Variants in RMST observed in about 807,000 individuals in gnomAD.
RMST encodes long intergenic non-protein coding RNA 54.
chr12:97,475,941 T>C (rs545347587), intron 5 of RMST, among the ~76,000 whole-genome samples: 4 of 152,224 alleles, frequency 2.6e-5, no homozygotes, highest in Non-Finnish European at 5.9e-5. Context: ...CGTTGCTGCA[T>C]CACATACTGA....
At chr12:97,562,192 G>C (rs956867228) in intron 13 of RMST, among the ~76,000 whole-genome samples, 3 of 152,138 alleles carry the variant, frequency 2.0e-5, no homozygotes, top group Admixed American at 6.5e-5. Flanking sequence ...AAAGGATGCA[G>C]GTCCAAACTT....
chr12:97,548,719 A>T (rs569534260), intron 11 of RMST, among the ~76,000 whole-genome samples: 2 of 152,184 alleles, frequency 1.3e-5, no homozygotes, highest in South Asian at 2.1e-4. Context: ...AGATTTACTG[A>T]ATTTGTTTAT....
intron 10 of RMST, among the ~76,000 whole-genome samples, chr12:97,510,093 T>A (rs1879120516): frequency 6.6e-6 from 1 of 152,236 alleles, no homozygotes; most frequent in African/African-American, 2.4e-5. Flanking sequence ...TCATTTATAC[T>A]CTGAGATTTA....
At chr12:97,506,660 A>ACAT (rs999316604) in intron 10 of RMST, among the ~76,000 whole-genome samples, 2 of 151,174 alleles carry the variant, frequency 1.3e-5, no homozygotes, top group African/African-American at 4.9e-5. Flanking sequence ...CGGATTGAAG[A>ACAT]CATTAGGGTA....
chr12:97,501,043 G>T (rs1013019831), intron 10 of RMST, among the ~76,000 whole-genome samples: 1 of 152,180 alleles, frequency 6.6e-6, no homozygotes, highest in African/African-American at 2.4e-5. Flanking sequence ...TGCCTATTTT[G>T]TGGTGGACCA....
exon 14 of RMST, chr12:97,564,345 C>T (rs1884374298): frequency 6.2e-6 from 1 of 160,588 alleles, no homozygotes; most frequent in African/African-American, 2.4e-5. Context: ...ATTGGATGGG[C>T]TAGATCAACT....
At chr12:97,498,709 G>T (rs1407374645) in intron 10 of RMST, among the ~76,000 whole-genome samples, 1 of 152,154 alleles carries the variant, frequency 6.6e-6, no homozygotes, top group African/African-American at 2.4e-5. Context: ...AGTACCTTCT[G>T]TCAGCATTAC....
intron 10 of RMST, among the ~76,000 whole-genome samples, chr12:97,513,441 C>G (rs990489055): frequency 1.3e-5 from 2 of 152,216 alleles, no homozygotes; most frequent in African/African-American, 4.8e-5. Flanking sequence ...ACACTCATTT[C>G]TAAATATTTA....
chr12:97,537,504 A>G (rs915712637), intron 11 of RMST, among the ~76,000 whole-genome samples: 1 of 151,366 alleles, frequency 6.6e-6, no homozygotes, highest in African/African-American at 2.4e-5. Context: ...TTGACATATT[A>G]TTGAAGAATC....
At chr12:97,464,570 T>C (rs1035421927) in intron 4 of RMST, among the ~76,000 whole-genome samples, 42 of 152,322 alleles carry the variant, frequency 2.8e-4, no homozygotes, top group African/African-American at 9.9e-4. Flanking sequence ...GACTTTTTCA[T>C]TGTGGCACCT....
intron 10 of RMST, among the ~76,000 whole-genome samples, chr12:97,502,921 G>A (rs1878249981): frequency 6.6e-6 from 1 of 152,122 alleles, no homozygotes. Context: ...ACTTCCTTGG[G>A]CTCTTTTGAT....
intron 10 of RMST, among the ~76,000 whole-genome samples, chr12:97,513,082 A>G (rs1879574272): frequency 6.6e-6 from 1 of 152,184 alleles, no homozygotes; most frequent in African/African-American, 2.4e-5. Flanking sequence ...CAGGCCCGCA[A>G]GCACCGCGCG....
chr12:97,507,084 G>A (rs1458346643), intron 10 of RMST, among the ~76,000 whole-genome samples: 1 of 152,080 alleles, frequency 6.6e-6, no homozygotes, highest in Non-Finnish European at 1.5e-5. Flanking sequence ...TGTATGTGAG[G>A]AAAAGGAGGT....
intron 10 of RMST, among the ~76,000 whole-genome samples, chr12:97,506,673 C>CTGT (rs1235096938): frequency 7.8e-6 from 1 of 127,624 alleles, no homozygotes; most frequent in Non-Finnish European, 1.6e-5. Flanking sequence ...TTAGGGTAAT[C>CTGT]TGTTTTTTTT....
rs537840796 is a variant in RMST at position 97,524,075 on chromosome 12, C to CAA, written n.1341-6553_1341-6552dup. ...TGGGCAACAGAGTGAGACTCTGTCT[C>CAA]AAAAAAAAAAAAAAAAAAAAAAAAA... On this transcript the variant is annotated intron_variant and non_coding_transcript_variant, in intron 10 of 13. Coordinates refer to ENST00000640149, the Ensembl canonical transcript of RMST. 9.4e-4 allele frequency among the ~76,000 whole-genome samples: 53 copies of CAA among 56,130 alleles called. 2 individuals are homozygous for CAA. Among genetic ancestry groups the CAA allele is most frequent in the Non-Finnish European group, 1.2e-3 (36 of 31,004 alleles). The allele number at this position is 56,130 out of a possible 152,430, so 36.8% of individuals were successfully genotyped here. A position where few individuals can be genotyped will look rare whatever the true frequency, so the allele number is the denominator to read the frequency against.
intron 11 of RMST, among the ~76,000 whole-genome samples, chr12:97,551,211 T>C (rs1883287452): frequency 6.6e-6 from 1 of 151,950 alleles, no homozygotes; most frequent in Non-Finnish European, 1.5e-5. Flanking sequence ...TGTTTCATTT[T>C]CCACTAAACC....
chr12:97,503,037 G>T, intron 10 of RMST, among the ~76,000 whole-genome samples: 1 of 152,040 alleles, frequency 6.6e-6, no homozygotes, highest in South Asian at 2.1e-4. Context: ...CCTTGTGTCT[G>T]GGCAATAGCT....
chr12:97,511,500 T>A (rs1276810419), intron 10 of RMST, among the ~76,000 whole-genome samples: 1 of 152,164 alleles, frequency 6.6e-6, no homozygotes, highest in Non-Finnish European at 1.5e-5. Context: ...TTCTTGCTAT[T>A]TTTTCCTTTC....
At chr12:97,480,337 G>A (rs1875124880) in intron 5 of RMST, among the ~76,000 whole-genome samples, 2 of 152,042 alleles carry the variant, frequency 1.3e-5, no homozygotes, top group South Asian at 2.1e-4. Context: ...TGATCTGCCC[G>A]CCTCAGCCTT....
Sources: gnomAD v4.1 joint callset for allele counts (sites outside exome capture counted in the v4.1 genomes callset) on GRCh38, gnomAD v4.1.1 for gene constraint, MANE v1.5 for transcripts, NCBI Gene and HGNC (gene_info 2026-07-23, HGNC 2026-07-21) for gene names.